GPC6: variants seen among roughly 807,000 people sequenced by gnomAD.
The protein encoded by GPC6 is glypican 6, also known as glypican-6.
Under a neutral mutation model 55.2 loss-of-function variants are expected in GPC6, and 14 were observed. The ratio of observed to expected loss-of-function variants is 0.25; its 90% CI spans 0.17 to 0.40. The LOEUF (loss-of-function observed/expected upper bound fraction) is 0.40. Among genes scored for constraint, GPC6 ranks in the 10% least tolerant of loss-of-function variants. The pLI is 1.00. For missense variants in GPC6, 641 were observed against 708.5 expected, an observed-to-expected ratio of 0.90 and a Z score of 1.08; for synonymous variants, 278 against 259.6, an observed-to-expected ratio of 1.07 and a Z score of -0.68.
At chr13:93,791,381 A>G (rs1886030871) in intron 2 of GPC6, among the ~76,000 whole-genome samples, 1 of 152,208 alleles carries the variant, frequency 6.6e-6, no homozygotes, top group Non-Finnish European at 1.5e-5. Flanking sequence ...TTAAAGATGT[A>G]ATTTTTTCCT....
chr13:93,750,171 A>C (rs1309796981), intron 2 of GPC6, among the ~76,000 whole-genome samples: 1 of 152,228 alleles, frequency 6.6e-6, no homozygotes, highest in East Asian at 1.9e-4. Context: ...TTGTCTGTAA[A>C]GACAAAGGAG....
chr13:93,345,263 T>C (rs1307018691), intron 1 of GPC6, among the ~76,000 whole-genome samples: 2 of 152,014 alleles, frequency 1.3e-5, no homozygotes, highest in East Asian at 3.9e-4. Flanking sequence ...CACCACCAAA[T>C]TGAAAGACAA....
chr13:93,528,873 A>G lies in GPC6; in HGVS notation c.161-16390A>G, dbSNP rs527582868. On this transcript the variant is annotated intron_variant, in intron 1 of 8. Coordinates refer to ENST00000377047, the MANE Select transcript of GPC6 (RefSeq NM_005708.5). ...ACTTAAAAATACTTTCAAGGAGGACATCTTGATATCATTGAAAAAGAAAGC... is the reference window on the plus strand; with the variant it reads ...ACTTAAAAATACTTTCAAGGAGGACGTCTTGATATCATTGAAAAAGAAAGC... Among the ~76,000 whole-genome samples the G allele has an allele frequency of 5.3e-5, 8 of 152,310 alleles. No homozygotes were observed. The South Asian group carries it at 8.3e-4, about 16-fold the overall frequency.
At chr13:94,081,913 T>G (rs1885112447) in intron 4 of GPC6, among the ~76,000 whole-genome samples, 1 of 148,230 alleles carries the variant, frequency 6.7e-6, no homozygotes, top group African/African-American at 2.5e-5. Context: ...TGATCTCGGC[T>G]CACTACAACC....
At chr13:93,589,163 C>T (rs564604521) in intron 2 of GPC6, among the ~76,000 whole-genome samples, 13 of 148,840 alleles carry the variant, frequency 8.7e-5, no homozygotes, top group African/African-American at 3.4e-4. Flanking sequence ...ATCTAGATTC[C>T]CTAATAGTTA....
chr13:93,645,119 A>G (rs1012455258), intron 2 of GPC6, among the ~76,000 whole-genome samples: 4 of 152,154 alleles, frequency 2.6e-5, no homozygotes, highest in South Asian at 2.1e-4. Flanking sequence ...GCATAGCCCC[A>G]GGGCCTGGCC....
chr13:93,498,464 A>C (rs921492637), intron 1 of GPC6, among the ~76,000 whole-genome samples: 1 of 152,190 alleles, frequency 6.6e-6, no homozygotes, highest in Non-Finnish European at 1.5e-5. Context: ...CCAAATCTCA[A>C]CTTGAATTGT....
At chr13:93,248,822 G>A (rs1876692094) in intron 1 of GPC6, among the ~76,000 whole-genome samples, 1 of 152,202 alleles carries the variant, frequency 6.6e-6, no homozygotes, top group South Asian at 2.1e-4. Flanking sequence ...CATGACAGAA[G>A]CTGTTTTCAG....
At chr13:93,315,340 A>G (rs1008313035) in intron 1 of GPC6, among the ~76,000 whole-genome samples, 2 of 152,044 alleles carry the variant, frequency 1.3e-5, no homozygotes, top group African/African-American at 4.8e-5. Flanking sequence ...AACCATAATT[A>G]TAGCTCTGTT....
At chr13:94,121,924 A>G (rs544903445) in intron 4 of GPC6, among the ~76,000 whole-genome samples, 35 of 152,180 alleles carry the variant, frequency 2.3e-4, no homozygotes, top group African/African-American at 8.4e-4. Flanking sequence ...CTTCAGCACA[A>G]CTGTTCTGAT....
At chr13:93,714,077 A>C (rs1883163908) in intron 2 of GPC6, among the ~76,000 whole-genome samples, 1 of 151,942 alleles carries the variant, frequency 6.6e-6, no homozygotes, top group South Asian at 2.1e-4. Flanking sequence ...AAAAGCAAAA[A>C]TTGACAAGTG....
At chr13:93,407,606 A>G (rs908328390) in intron 1 of GPC6, among the ~76,000 whole-genome samples, 2 of 152,154 alleles carry the variant, frequency 1.3e-5, no homozygotes, top group African/African-American at 4.8e-5. Context: ...ATGGTAATTG[A>G]TAGAAAAGTT....
intron 6 of GPC6, among the ~76,000 whole-genome samples, chr13:94,346,565 C>CA (rs1392790602): frequency 3.3e-5 from 5 of 151,388 alleles, no homozygotes; most frequent in Admixed American, 1.3e-4. Context: ...ACTAAAAATA[C>CA]AAAAAAAATA....
intron 1 of GPC6, among the ~76,000 whole-genome samples, chr13:93,229,585 C>T (rs1875940007): frequency 6.6e-6 from 1 of 152,062 alleles, no homozygotes; most frequent in Non-Finnish European, 1.5e-5. Context: ...AGAACATTCC[C>T]AGGGGTTCAT....
intron 2 of GPC6, among the ~76,000 whole-genome samples, chr13:93,620,436 T>C (rs978742479): frequency 2.0e-5 from 3 of 152,240 alleles, no homozygotes; most frequent in Non-Finnish European, 4.4e-5. Flanking sequence ...TCAGTTCATT[T>C]CCTCTCTGGT....
At chr13:93,266,381 C>A (rs1274827380) in intron 1 of GPC6, among the ~76,000 whole-genome samples, 1 of 152,006 alleles carries the variant, frequency 6.6e-6, no homozygotes, top group Non-Finnish European at 1.5e-5. Flanking sequence ...CTTAACAGGA[C>A]AAAGGTCATC....
intron 4 of GPC6, among the ~76,000 whole-genome samples, chr13:94,268,032 A>G (rs186256681): frequency 1.3e-5 from 2 of 152,260 alleles, no homozygotes; most frequent in East Asian, 3.8e-4. Context: ...CTAAACTGCA[A>G]CTTCAAACCT....
intron 2 of GPC6, among the ~76,000 whole-genome samples, chr13:93,720,765 G>A (rs1181623160): frequency 6.6e-6 from 1 of 151,896 alleles, no homozygotes; most frequent in Non-Finnish European, 1.5e-5. Flanking sequence ...GGTACGTTGT[G>A]TCTTTGTTCT....
chr13:93,932,973 C>CTTTT (rs59362571), intron 3 of GPC6, among the ~76,000 whole-genome samples: 5 of 102,380 alleles, frequency 4.9e-5, no homozygotes, highest in Non-Finnish European at 8.0e-5. Flanking sequence ...TTGTTTTGTT[C>CTTTT]TTTTTTTTTT....
Sources: allele counts gnomAD v4.1 joint callset (sites outside exome capture counted in the v4.1 genomes callset), GRCh38; gene constraint gnomAD v4.1.1; transcripts MANE v1.5; gene names NCBI Gene and HGNC (gene_info 2026-07-23, HGNC 2026-07-21).